Variants in UNC5C observed in about 807,000 individuals in gnomAD.
UNC5C encodes the protein unc-5 netrin receptor C.
UNC5C carries 47 observed loss-of-function variants against 99.8 expected under a neutral mutation model. The ratio of observed to expected loss-of-function variants is 0.47; its 90% CI spans 0.37 to 0.60. The LOEUF (loss-of-function observed/expected upper bound fraction) is 0.60, where lower values mean the gene tolerates loss of function less well. UNC5C is among the 20% of genes least tolerant of loss of function. The pLI is 0.00. For synonymous variants in UNC5C, 487 were observed against 452.2 expected, an observed-to-expected ratio of 1.08 and a Z score of -0.98; for missense variants, 1,062 against 1,165.9, an observed-to-expected ratio of 0.91 and a Z score of 1.30.
intron 1 of UNC5C, among the ~76,000 whole-genome samples, chr4:95,497,298 A>G (rs1721656728): frequency 6.6e-6 from 1 of 152,030 alleles, no homozygotes; most frequent in Non-Finnish European, 1.5e-5. Flanking sequence ...CCAGCAGTGT[A>G]AAAGTGTCTG....
At chr4:95,342,399 G>A (rs1295068537) in intron 1 of UNC5C, among the ~76,000 whole-genome samples, 3 of 152,108 alleles carry the variant, frequency 2.0e-5, no homozygotes, top group Non-Finnish European at 4.4e-5. Context: ...CATTTCTAGA[G>A]CCGCTTTGGG....
In UNC5C at chr4:95,220,013, C is replaced by A. The variant is rs550835877; in HGVS notation, c.1272G>T (p.Gln424His). The A allele has an allele frequency of 9.2e-5, 149 of 1,614,022 alleles. 1 individual carries two copies. In the Admixed American group the frequency reaches 2.4e-3, roughly 26 times the overall value. ...GTCTTGCTGCCTTGATGTTCACAGG[C>A]TGAAAGCCCCCATTGAGTGCCGAAG... is the stretch of plus-strand genomic sequence containing the variant. ...IDSSALNGGF[Q>H]PVNIKAARQD... is the part of the protein sequence containing the mutation. The change falls in exon 8 of 16, where the codon CAG becomes CAT. Residue 424 changes from glutamine (Q) to histidine (H), a missense_variant. Coordinates refer to ENST00000453304, the MANE Select transcript of UNC5C (RefSeq NM_003728.4).
At chr4:95,183,993 T>C (rs1420772690) in intron 13 of UNC5C, among the ~76,000 whole-genome samples, 1 of 152,206 alleles carries the variant, frequency 6.6e-6, no homozygotes, top group Admixed American at 6.5e-5. Context: ...ATATTATCAT[T>C]ATCATTAAAA....
chr4:95,345,285 C>A (rs1743729803), intron 1 of UNC5C, among the ~76,000 whole-genome samples: 1 of 151,866 alleles, frequency 6.6e-6, no homozygotes, highest in Non-Finnish European at 1.5e-5. Flanking sequence ...ATAAACGGGT[C>A]AATTCAGCAA....
chr4:95,256,364 CCTCA>C (rs1207037562), intron 4 of UNC5C, among the ~76,000 whole-genome samples: 2 of 152,068 alleles, frequency 1.3e-5, no homozygotes, highest in African/African-American at 4.8e-5. Context: ...GTCTTATGCA[CCTCA>C]CTTAATGCCA....
chr4:95,298,203 C>T (rs1343969759), intron 3 of UNC5C, among the ~76,000 whole-genome samples: 1 of 152,004 alleles, frequency 6.6e-6, no homozygotes, highest in Non-Finnish European at 1.5e-5. Context: ...TCCCAGCTAC[C>T]TGGGAGGCTG....
At chr4:95,389,896 C>T (rs1427335134) in intron 1 of UNC5C, among the ~76,000 whole-genome samples, 1 of 151,992 alleles carries the variant, frequency 6.6e-6, no homozygotes, top group Non-Finnish European at 1.5e-5. Context: ...ATTTTAGCTG[C>T]TTCTTTTCGC....
At chr4:95,461,732 T>A (rs1203408731) in intron 1 of UNC5C, among the ~76,000 whole-genome samples, 1 of 152,144 alleles carries the variant, frequency 6.6e-6, no homozygotes, top group Admixed American at 6.5e-5. Flanking sequence ...CTGCTCAAAC[T>A]CTGTGTTTTC....
intron 1 of UNC5C, among the ~76,000 whole-genome samples, chr4:95,446,993 C>A (rs1205888520): frequency 2.0e-5 from 3 of 152,070 alleles, no homozygotes; most frequent in Non-Finnish European, 4.4e-5. Context: ...AAGTTTCTTT[C>A]TCTGTTTGAC....
intron 14 of UNC5C, among the ~76,000 whole-genome samples, chr4:95,182,026 C>G (rs979704240): frequency 2.0e-5 from 3 of 152,196 alleles, no homozygotes; most frequent in African/African-American, 7.2e-5. Flanking sequence ...CATGAGGCCC[C>G]AAAGAGGCTG....
chr4:95,423,651 T>C (rs2149457198), intron 1 of UNC5C, among the ~76,000 whole-genome samples: 1 of 152,346 alleles, frequency 6.6e-6, no homozygotes, highest in African/African-American at 2.4e-5. Context: ...AGAAGACATT[T>C]AAAGAAGACT....
intron 4 of UNC5C, among the ~76,000 whole-genome samples, chr4:95,265,926 G>A (rs1246982188): frequency 6.6e-6 from 1 of 152,086 alleles, no homozygotes; most frequent in Non-Finnish European, 1.5e-5. Context: ...CTGGAATTAG[G>A]AGACAGTCAA....
intron 1 of UNC5C, among the ~76,000 whole-genome samples, chr4:95,503,584 G>C (rs2149485047): frequency 6.6e-6 from 1 of 151,870 alleles, no homozygotes; most frequent in African/African-American, 2.4e-5. Context: ...ATATCATCTG[G>C]CTGCCATCAG....
intron 1 of UNC5C, among the ~76,000 whole-genome samples, chr4:95,374,367 G>A (rs957626606): frequency 2.6e-5 from 4 of 152,076 alleles, no homozygotes; most frequent in African/African-American, 9.7e-5. Context: ...CATTCTTTAA[G>A]TGCTTTGAGT....
intron 1 of UNC5C, among the ~76,000 whole-genome samples, chr4:95,404,025 C>T (rs1228516921): frequency 6.6e-6 from 1 of 152,074 alleles, no homozygotes; most frequent in East Asian, 1.9e-4. Flanking sequence ...AGGGAAAAAC[C>T]AAAAAGCATG....
intron 1 of UNC5C, among the ~76,000 whole-genome samples, chr4:95,463,331 G>A (rs17023991): frequency 0.054 from 8,181 of 152,182 alleles, 566 homozygotes; most frequent in African/African-American, 0.16. Context: ...GGAAGAAGTC[G>A]TGGTAAGAGC....
chr4:95,447,840 A>G lies in UNC5C; in HGVS notation c.124+100894T>C, dbSNP rs527731717. Among the ~76,000 whole-genome samples the G allele has an allele frequency of 3.3e-5, 5 of 152,326 alleles. No individual in the cohort carries two copies. The South Asian group carries it at 8.3e-4, about 25-fold the overall frequency. On this transcript the variant is annotated intron_variant, in intron 1 of 15. Transcript: ENST00000453304. ...ATTCATTAAGACGCAATGATAGGAA[A>G]TAAATAGTCTACCGTAAGGCAGACT...
intron 1 of UNC5C, among the ~76,000 whole-genome samples, chr4:95,478,541 T>C (rs543109927): frequency 6.6e-6 from 1 of 152,126 alleles, no homozygotes; most frequent in East Asian, 1.9e-4. Flanking sequence ...CCTTTCAATA[T>C]CTGAGTGGTT....
intron 2 of UNC5C, among the ~76,000 whole-genome samples, chr4:95,319,430 T>C (rs1742596381): frequency 6.6e-6 from 1 of 152,114 alleles, no homozygotes. Context: ...TAGAAATGAG[T>C]CCAAGGCTCC....
Sources: gnomAD v4.1 joint callset for allele counts (sites outside exome capture counted in the v4.1 genomes callset) on GRCh38, gnomAD v4.1.1 for gene constraint, MANE v1.5 for transcripts, NCBI Gene and HGNC (gene_info 2026-07-23, HGNC 2026-07-21) for gene names.